The following MNAT1 variants were observed in gnomAD, a reference collection of about 807,000 sequenced individuals.
The protein encoded by MNAT1 is MNAT1 component of CDK activating kinase.
A neutral mutation model predicts 42.0 loss-of-function variants in MNAT1; 43 were observed. The observed-to-expected ratio is 1.02, with a 90% CI of 0.80 to 1.32. The LOEUF is 1.32. Ranked by LOEUF, MNAT1 falls within the 40% of genes most tolerant of loss-of-function variation. The pLI, the probability that MNAT1 is intolerant of heterozygous loss-of-function variation, is 0.00. For synonymous variants in MNAT1, 118 were observed against 120.0 expected, an observed-to-expected ratio of 0.98 and a Z score of 0.11; for missense variants, 306 against 350.4, an observed-to-expected ratio of 0.87 and a Z score of 1.01.
rs76548974 is a variant in MNAT1, at chr14:60,934,889, T to A, written c.810-33340T>A. Reference sequence around the variant, plus strand: ...GAGGGGCAGAATGCCTCACTTTCCCTAGTTTATCAAGGGTTTCCTTCTAAA... The same window carrying A: ...GAGGGGCAGAATGCCTCACTTTCCCAAGTTTATCAAGGGTTTCCTTCTAAA... On this transcript the variant is annotated intron_variant, in intron 7 of 7. Transcript: ENST00000261245. Among the ~76,000 whole-genome samples, 1,116 of 152,354 alleles carry A rather than the reference T, an allele frequency of 7.3e-3. 6 individuals carry two copies. The highest frequency in any genetic ancestry group is 0.012 in the Non-Finnish European group (823 of 68,024).
At chr14:60,770,543 G>A (rs933032794) in intron 1 of MNAT1, among the ~76,000 whole-genome samples, 13 of 152,046 alleles carry the variant, frequency 8.6e-5, no homozygotes, top group African/African-American at 3.1e-4. Flanking sequence ...CCACCAAAAT[G>A]CACAAGAGTT....
intron 6 of MNAT1, among the ~76,000 whole-genome samples, chr14:60,855,503 AG>A (rs1594805793): frequency 1.3e-5 from 2 of 152,316 alleles, no homozygotes; most frequent in Admixed American, 6.5e-5. Flanking sequence ...GGAAAAGTGT[AG>A]TATCTGGGCT....
In MNAT1 at chr14:60,963,078, T is replaced by A. The variant is rs534776325; in HGVS notation, c.810-5151T>A. Among the ~76,000 whole-genome samples the A allele has an allele frequency of 1.2e-4, 18 of 151,996 alleles. No individual in the cohort carries two copies. The East Asian group carries it at 3.3e-3, about 28-fold the overall frequency. On this transcript the variant is annotated intron_variant, in intron 7 of 7. Coordinates refer to ENST00000261245, the MANE Select transcript of MNAT1 (RefSeq NM_002431.4). ...CTCGCTGCGACCTCCACCTCCCGGG[T>A]TCAAGCGATTCTCCTGCCTCAGCCT...
At position 60,968,355 on chromosome 14, in the gene MNAT1, T is replaced by C. The variant is rs752090509; in HGVS notation, c.*6T>C. Reference sequence around the variant, plus strand: ...TTTTCTGGCAGCCCAGTTAACCATTTATAAGATTTGGACCTTGGAGCTGAA... The same window carrying C: ...TTTTCTGGCAGCCCAGTTAACCATTCATAAGATTTGGACCTTGGAGCTGAA... On this transcript the variant is annotated 3_prime_UTR_variant, in exon 8 of 8. Transcript: ENST00000261245. 6.2e-7 allele frequency: 1 copy of C among 1,608,804 alleles called. No homozygotes were observed. Among genetic ancestry groups the C allele is most frequent in the Admixed American group, 1.7e-5 (1 of 58,128 alleles).
intron 7 of MNAT1, among the ~76,000 whole-genome samples, chr14:60,957,863 G>A (rs1478285558): frequency 6.6e-6 from 1 of 151,544 alleles, no homozygotes; most frequent in East Asian, 1.9e-4. Flanking sequence ...TGGGGATGGC[G>A]TTTCACTCTT....
chr14:60,933,783 TC>T (rs2035936242), intron 7 of MNAT1, among the ~76,000 whole-genome samples: 1 of 152,146 alleles, frequency 6.6e-6, no homozygotes, highest in Non-Finnish European at 1.5e-5. Context: ...AGAGGCTCTG[TC>T]CCACCCTTTG....
At chr14:60,835,772 G>A (rs1325170972) in intron 6 of MNAT1, among the ~76,000 whole-genome samples, 1 of 152,172 alleles carries the variant, frequency 6.6e-6, no homozygotes, top group Non-Finnish European at 1.5e-5. Context: ...GAATTTGAAT[G>A]TTGGCCTGCC....
intron 7 of MNAT1, among the ~76,000 whole-genome samples, chr14:60,938,436 A>AT (rs1488740535): frequency 6.6e-6 from 1 of 152,132 alleles, no homozygotes; most frequent in African/African-American, 2.4e-5. Context: ...TTTAGCATGA[A>AT]GTGTTGTTGA....
intron 7 of MNAT1, among the ~76,000 whole-genome samples, chr14:60,912,998 C>T (rs919219714): frequency 2.6e-5 from 4 of 152,324 alleles, no homozygotes; most frequent in Non-Finnish European, 4.4e-5. Context: ...CACATAGTCA[C>T]ATATTTCTTG....
chr14:60,826,738 A>C (rs1477740422), intron 6 of MNAT1, among the ~76,000 whole-genome samples: 2 of 152,184 alleles, frequency 1.3e-5, no homozygotes, highest in Non-Finnish European at 2.9e-5. Context: ...TATTTGGTTC[A>C]AATCCTGTCA....
intron 7 of MNAT1, among the ~76,000 whole-genome samples, chr14:60,904,263 T>C (rs971910699): frequency 9.9e-5 from 15 of 152,204 alleles, no homozygotes; most frequent in African/African-American, 3.4e-4. Context: ...AACTGCAATA[T>C]GCATGTGTAT....
chr14:60,908,474 C>A (rs999900200), intron 7 of MNAT1, among the ~76,000 whole-genome samples: 2 of 151,704 alleles, frequency 1.3e-5, no homozygotes, highest in South Asian at 2.1e-4. Context: ...CTCCCCCAAC[C>A]CCCCGACCCC....
At chr14:60,924,383 TAAA>T (rs5809071) in intron 7 of MNAT1, among the ~76,000 whole-genome samples, 12 of 130,240 alleles carry the variant, frequency 9.2e-5, no homozygotes, top group Admixed American at 3.0e-4. Context: ...AGTGCCTGTT[TAAA>T]AAAAAAAAAA....
intron 6 of MNAT1, among the ~76,000 whole-genome samples, chr14:60,869,040 A>ATATATATATTTTTTT (rs1465360826): frequency 6.2e-5 from 7 of 113,028 alleles, no homozygotes; most frequent in African/African-American, 2.4e-4. Flanking sequence ...ATATATATAT[A>ATATATATATTTTTTT]TTTTTTTTTT....
intron 7 of MNAT1, among the ~76,000 whole-genome samples, chr14:60,935,325 T>G (rs77016784): frequency 1.1e-5 from 1 of 90,556 alleles, no homozygotes; most frequent in Non-Finnish European, 2.1e-5. Context: ...CATCCCTCCC[T>G]CCCTCCCTCC....
chr14:60,794,088 C>A (rs1025617247), intron 1 of MNAT1, among the ~76,000 whole-genome samples: 1 of 152,114 alleles, frequency 6.6e-6, no homozygotes, highest in Non-Finnish European at 1.5e-5. Flanking sequence ...TGAGTCTAAT[C>A]TCCAAGACCT....
intron 7 of MNAT1, among the ~76,000 whole-genome samples, chr14:60,960,695 A>C (rs2036571263): frequency 6.6e-6 from 1 of 152,078 alleles, no homozygotes; most frequent in Admixed American, 6.5e-5. Context: ...AGGTACCTGG[A>C]AGTTGACCTT....
chr14:60,826,112 G>A (rs1055727581), intron 6 of MNAT1, among the ~76,000 whole-genome samples: 3 of 152,116 alleles, frequency 2.0e-5, no homozygotes, highest in African/African-American at 7.2e-5. Context: ...GGTTCAGTCA[G>A]TCAGTGAACA....
At chr14:60,933,292 C>A (rs546209330) in intron 7 of MNAT1, among the ~76,000 whole-genome samples, 1 of 151,980 alleles carries the variant, frequency 6.6e-6, no homozygotes, top group Non-Finnish European at 1.5e-5. Context: ...CATATCGACA[C>A]AATGATAAAT....
Sources: gnomAD v4.1 joint callset for allele counts (sites outside exome capture counted in the v4.1 genomes callset) on GRCh38, gnomAD v4.1.1 for gene constraint, MANE v1.5 for transcripts, NCBI Gene and HGNC (gene_info 2026-07-23, HGNC 2026-07-21) for gene names.